CNTNAP3B: variants seen among roughly 807,000 people sequenced by gnomAD.
CNTNAP3B encodes contactin associated protein family member 3B.
In CNTNAP3B, 25 loss-of-function variants were observed where a neutral mutation model predicts 108.9. That is an observed-to-expected ratio of 0.23 (90% CI 0.17 to 0.32). The LOEUF (loss-of-function observed/expected upper bound fraction) is 0.32, where lower values mean the gene tolerates loss of function less well. Among genes scored for constraint, CNTNAP3B ranks in the 10% least tolerant of loss-of-function variants. CNTNAP3B has a pLI of 1.00. For synonymous variants in CNTNAP3B, 103 were observed against 473.4 expected, an observed-to-expected ratio of 0.22 and a Z score of 10.16; for missense variants, 252 against 1,210.4, an observed-to-expected ratio of 0.21 and a Z score of 11.75.
chr9:42,021,448 A>G, intron 3 of CNTNAP3B, among the ~76,000 whole-genome samples: 1 of 113,978 alleles, frequency 8.8e-6, no homozygotes, highest in Non-Finnish European at 1.7e-5. Flanking sequence ...ATATGTTCTA[A>G]GAAAAAGCCA....
At position 42,124,426 on chromosome 9, in the gene CNTNAP3B, C is replaced by A. The variant is rs1483961626; in HGVS notation, c.85+4584G>T. On this transcript the variant is annotated intron_variant, in intron 1 of 23. Coordinates refer to ENST00000377561, the MANE Select transcript of CNTNAP3B (RefSeq NM_001201380.3). ...TTGTCTTTTATACAGTACCACAACA[C>A]ATCAAGCAGATATATGAATTCCTTG... 1.4e-5 allele frequency among the ~76,000 whole-genome samples: 2 copies of A among 137,936 alleles called. 1 individual carries two copies. Among genetic ancestry groups the A allele is most frequent in the African/African-American group, 5.8e-5 (2 of 34,508 alleles). The allele number at this position is 137,936 out of a possible 152,430, so 90.5% of individuals were successfully genotyped here. A position where few individuals can be genotyped will look rare whatever the true frequency, so the allele number is the denominator to read the frequency against.
chr9:41,921,755 G>A (rs1302554418), intron 17 of CNTNAP3B, among the ~76,000 whole-genome samples: 90 of 151,834 alleles, frequency 5.9e-4, no homozygotes, highest in Non-Finnish European at 9.3e-4. Context: ...GAGCCAGACC[G>A]GGTTATAAAC....
intron 3 of CNTNAP3B, among the ~76,000 whole-genome samples, chr9:42,024,669 C>CAA (rs1216353981): frequency 0.028 from 2,401 of 84,552 alleles, 12 homozygotes; most frequent in South Asian, 0.065. Flanking sequence ...CCAGGGTTCA[C>CAA]AAAAAAAAAA....
At chr9:42,018,638 T>C (rs889250303) in intron 3 of CNTNAP3B, among the ~76,000 whole-genome samples, 1 of 151,596 alleles carries the variant, frequency 6.6e-6, no homozygotes, top group Non-Finnish European at 1.5e-5. Flanking sequence ...GACAGGACTG[T>C]GAGGCCACGG....
At chr9:41,953,545 G>A (rs1824764329) in intron 12 of CNTNAP3B, among the ~76,000 whole-genome samples, 159 bp from the exon 13 acceptor site, 1 of 151,560 alleles carries the variant, frequency 6.6e-6, no homozygotes, top group African/African-American at 2.4e-5. Context: ...AATGTACTGA[G>A]CCAGAACTCA....
chr9:42,042,737 C>T (rs1253436321), intron 3 of CNTNAP3B, among the ~76,000 whole-genome samples: 115 of 96,368 alleles, frequency 1.2e-3, no homozygotes, highest in African/African-American at 4.7e-3. Context: ...TGGAATGAAT[C>T]TCCCGCAGAT....
chr9:41,966,613 G>T (rs1485800982), intron 10 of CNTNAP3B, among the ~76,000 whole-genome samples: 1 of 152,270 alleles, frequency 6.6e-6, no homozygotes, highest in Non-Finnish European at 1.5e-5. Flanking sequence ...TCTGCCATGT[G>T]GTATACAGGG....
chr9:42,128,026 G>A (rs1479558216), intron 1 of CNTNAP3B, among the ~76,000 whole-genome samples: 1 of 139,040 alleles, frequency 7.2e-6, no homozygotes. Context: ...TGACAGCAGG[G>A]AGATGCCACT....
In CNTNAP3B at chr9:42,076,873, A is replaced by G. The variant is rs748668282; in HGVS notation, c.386T>C (p.Ile129Thr). 9.1e-6 allele frequency: 14 copies of G among 1,540,182 alleles called. 2 individuals carry two copies. The highest frequency in any genetic ancestry group is 7.1e-5 in the Admixed American group (4 of 56,314). ...TTATTGTTATTAGAAACATACCCAG[A>G]TGCTTTCTTCTCGGCGATACTGCTT... ...NWKQYRREES[I>T]WGFPGNTNAD... Residue 129 changes from isoleucine to threonine, a missense_variant, in exon 3 of 24, where the codon ATC becomes ACC. Ile to Thr is a moderately conservative substitution (Grantham distance 89). Coordinates refer to ENST00000377561, the MANE Select transcript of CNTNAP3B (RefSeq NM_001201380.3).
intron 10 of CNTNAP3B, among the ~76,000 whole-genome samples, chr9:41,966,597 G>A (rs1377068767): frequency 4.6e-5 from 7 of 152,270 alleles, no homozygotes; most frequent in African/African-American, 1.7e-4. Context: ...GGACTCCACT[G>A]GAAGCTCTGC....
At chr9:41,977,786 ATT>A (rs71288160) in intron 9 of CNTNAP3B, among the ~76,000 whole-genome samples, 1,985 of 90,514 alleles carry the variant, frequency 0.022, 214 homozygotes, top group East Asian at 0.073. Context: ...TGCCCAGCTA[ATT>A]TTTTTTTTTT....
intron 10 of CNTNAP3B, among the ~76,000 whole-genome samples, chr9:41,969,772 C>G (rs1336691576): frequency 9.0e-6 from 1 of 110,906 alleles, no homozygotes; most frequent in African/African-American, 3.5e-5. Context: ...CGCCTGCCAC[C>G]ACGCCTGGCT....
chr9:41,935,741 A>T (rs1824137751), intron 14 of CNTNAP3B, among the ~76,000 whole-genome samples: 2 of 152,274 alleles, frequency 1.3e-5, no homozygotes, highest in Non-Finnish European at 2.9e-5. Context: ...AATAAGGTTA[A>T]AAAGCAAATG....
chr9:42,070,621 T>A (rs1237529474), intron 3 of CNTNAP3B, among the ~76,000 whole-genome samples: 2 of 151,550 alleles, frequency 1.3e-5, no homozygotes, highest in East Asian at 1.9e-4. Context: ...AGACTGAGAA[T>A]GTTTCTGTCT....
chr9:41,961,125 T>G (rs1383441279), intron 11 of CNTNAP3B, among the ~76,000 whole-genome samples: 2 of 152,306 alleles, frequency 1.3e-5, no homozygotes, highest in African/African-American at 4.8e-5. Context: ...CATTCAAATG[T>G]TGGATGTTGT....
intron 18 of CNTNAP3B, among the ~76,000 whole-genome samples, chr9:41,918,035 G>A (rs1239713495): frequency 2.6e-5 from 4 of 152,296 alleles, no homozygotes; most frequent in African/African-American, 9.6e-5. Flanking sequence ...ACTTTCAATA[G>A]TTGTTTTTTA....
intron 13 of CNTNAP3B, among the ~76,000 whole-genome samples, chr9:41,943,321 T>C (rs1484557506): frequency 6.6e-6 from 1 of 150,964 alleles, no homozygotes; most frequent in Non-Finnish European, 1.5e-5. Flanking sequence ...AAATGAAACA[T>C]AATATCCAAA....
intron 15 of CNTNAP3B, among the ~76,000 whole-genome samples, chr9:41,927,765 G>T (rs1179898671): frequency 2.0e-5 from 3 of 152,194 alleles, no homozygotes; most frequent in Admixed American, 1.3e-4. Context: ...AGGTAACAGA[G>T]AAATCGGAAA....
In CNTNAP3B at chr9:42,088,932, G is replaced by T. The variant is rs547278406; in HGVS notation, c.197-11870C>A. 6.4e-4 allele frequency among the ~76,000 whole-genome samples: 89 copies of T among 138,130 alleles called. 5 individuals are homozygous for T. Among genetic ancestry groups the T allele is most frequent in the African/African-American group, 2.4e-3 (83 of 34,576 alleles). The allele number at this position is 138,130 out of a possible 152,430, so 90.6% of individuals were successfully genotyped here. Reference sequence around the variant, plus strand: ...CAAGAATTTTGATTTTATGAAAAATGAGGACCAGGCGTGGTGGCTCACACC... The same window carrying T: ...CAAGAATTTTGATTTTATGAAAAATTAGGACCAGGCGTGGTGGCTCACACC... On this transcript the variant is annotated intron_variant, in intron 2 of 23. Coordinates refer to ENST00000377561, the MANE Select transcript of CNTNAP3B (RefSeq NM_001201380.3).
Sources: gnomAD v4.1 joint callset for allele counts (sites outside exome capture counted in the v4.1 genomes callset) on GRCh38, gnomAD v4.1.1 for gene constraint, MANE v1.5 for transcripts, NCBI Gene and HGNC (gene_info 2026-07-23, HGNC 2026-07-21) for gene names.